The following DGKB variants were observed in gnomAD, a reference collection of about 807,000 sequenced individuals.
DGKB encodes the protein 90 kDa diacylglycerol kinase.
DGKB carries 67 observed loss-of-function variants against 114.3 expected under a neutral mutation model. The observed-to-expected ratio is 0.59, with a 90% CI of 0.48 to 0.72. DGKB has a LOEUF of 0.72. DGKB is among the 30% of genes least tolerant of loss of function. The pLI is 0.00. For synonymous variants in DGKB, 398 were observed against 323.1 expected (o/e 1.23, Z -2.49); for missense variants, 907 against 975.2 (o/e 0.93, Z 0.93).
intron 13 of DGKB, among the ~76,000 whole-genome samples, chr7:14,661,629 T>C (rs917726071): frequency 2.0e-5 from 3 of 152,070 alleles, no homozygotes; most frequent in African/African-American, 7.2e-5. Flanking sequence ...AGTTCAGCCA[T>C]TGTGGAAGTC....
At chr7:14,318,817 G>A (rs1807147706) in intron 23 of DGKB, among the ~76,000 whole-genome samples, 1 of 152,126 alleles carries the variant, frequency 6.6e-6, no homozygotes, top group Non-Finnish European at 1.5e-5. Flanking sequence ...AAATCATGCT[G>A]CTAATAAAGC....
At chr7:14,816,218 C>T (rs1844128820) in intron 2 of DGKB, among the ~76,000 whole-genome samples, 1 of 152,074 alleles carries the variant, frequency 6.6e-6, no homozygotes, top group African/African-American at 2.4e-5. Context: ...CCTGTAGTCC[C>T]AGCTACTCTG....
At chr7:14,556,063 C>T (rs1178192956) in intron 20 of DGKB, among the ~76,000 whole-genome samples, 1 of 152,106 alleles carries the variant, frequency 6.6e-6, no homozygotes, top group Non-Finnish European at 1.5e-5. Context: ...TTATTTCTTG[C>T]AGGAGATTCA....
At chr7:14,355,470 G>A (rs1814269103) in intron 21 of DGKB, among the ~76,000 whole-genome samples, 1 of 152,130 alleles carries the variant, frequency 6.6e-6, no homozygotes, top group Admixed American at 6.5e-5. Flanking sequence ...CTAGTTTATT[G>A]AGAGTTTTTA....
chr7:14,903,754 C>T (rs913245488), upstream of DGKB, among the ~76,000 whole-genome samples: 7 of 152,064 alleles, frequency 4.6e-5, no homozygotes, highest in African/African-American at 1.2e-4. Context: ...TTTTGAGGCA[C>T]GTGTGTAAAA....
intron 21 of DGKB, among the ~76,000 whole-genome samples, chr7:14,477,004 C>G (rs772319680): frequency 2.6e-5 from 4 of 152,028 alleles, no homozygotes; most frequent in Non-Finnish European, 5.9e-5. Context: ...CCCGCCTTGG[C>G]CTCCCAAAGT....
chr7:14,655,657 A>G (rs2462564), intron 13 of DGKB, among the ~76,000 whole-genome samples: 118,071 of 151,538 alleles, frequency 0.78, 46,307 homozygotes, highest in African/African-American at 0.86. Flanking sequence ...ATAGATGAGT[A>G]GATAAAATAA....
chr7:14,395,011 A>G (rs905842939), intron 21 of DGKB, among the ~76,000 whole-genome samples: 3 of 152,156 alleles, frequency 2.0e-5, no homozygotes, highest in African/African-American at 7.2e-5. Flanking sequence ...TGCAACAGGA[A>G]CTAACAACAA....
intron 23 of DGKB, among the ~76,000 whole-genome samples, chr7:14,202,561 T>A (rs1301941391): frequency 1.3e-5 from 2 of 152,028 alleles, no homozygotes. Flanking sequence ...AAGATTGAAA[T>A]CAATTTGCTA....
chr7:14,636,298 C>T (rs1466684504), intron 13 of DGKB, among the ~76,000 whole-genome samples: 2 of 151,676 alleles, frequency 1.3e-5, no homozygotes, highest in Non-Finnish European at 3.0e-5. Flanking sequence ...TATAATTACC[C>T]ACAGGATATC....
At chr7:14,221,630 C>G (rs912991563) in intron 23 of DGKB, among the ~76,000 whole-genome samples, 4 of 151,212 alleles carry the variant, frequency 2.6e-5, no homozygotes, top group Non-Finnish European at 5.9e-5. Context: ...CTGTTATATT[C>G]TTTTCTTGTT....
At chr7:14,908,452 T>A (rs1258443545) in intron 1 of DGKB, among the ~76,000 whole-genome samples, 1 of 152,170 alleles carries the variant, frequency 6.6e-6, no homozygotes, top group Non-Finnish European at 1.5e-5. Flanking sequence ...ATTTTAAATG[T>A]CAGTTTTGAA....
At chr7:14,846,857 C>T (rs571424223) in intron 1 of DGKB, among the ~76,000 whole-genome samples, 16 of 152,254 alleles carry the variant, frequency 1.1e-4, no homozygotes, top group African/African-American at 3.4e-4. Flanking sequence ...CTCGTGAAGA[C>T]GCCATTCGGC....
At chr7:14,409,159 T>C (rs141619682) in intron 21 of DGKB, among the ~76,000 whole-genome samples, 3 of 152,246 alleles carry the variant, frequency 2.0e-5, no homozygotes, top group African/African-American at 7.2e-5. Context: ...CTATCTCTTA[T>C]TGCCATTGTG....
intron 20 of DGKB, among the ~76,000 whole-genome samples, chr7:14,491,164 T>A (rs1041562666): frequency 6.6e-6 from 1 of 152,036 alleles, no homozygotes; most frequent in Non-Finnish European, 1.5e-5. Flanking sequence ...GAATTTTAGT[T>A]CCCATAATTC....
rs571187961 is a variant in DGKB at position 14,452,709 on chromosome 7, T to A, written c.1835+25452A>T. On this transcript the variant is annotated intron_variant, in intron 21 of 25. Coordinates refer to ENST00000402815, the MANE Select transcript of DGKB (RefSeq NM_001350709.2). ...AGGTAGAATGCAAAAAGGAAACAAC[T>A]AATATAAGCTAATTTACAATCATGT... 2.6e-5 allele frequency among the ~76,000 whole-genome samples: 4 copies of A among 152,200 alleles called. No homozygotes were observed. In the Middle Eastern group the frequency reaches 0.01, roughly 388 times the overall value.
chr7:14,435,517 T>C (rs1478759339), intron 21 of DGKB, among the ~76,000 whole-genome samples: 1 of 152,098 alleles, frequency 6.6e-6, no homozygotes, highest in African/African-American at 2.4e-5. Flanking sequence ...TAGTAAATGA[T>C]CATAAAGTAC....
At position 14,718,674 on chromosome 7, in the gene DGKB, T is replaced by G. The variant is rs1452597742; in HGVS notation, c.334A>C (p.Asn112His). 4 of 1,608,216 alleles carry G rather than the reference T, an allele frequency of 2.5e-6. No homozygotes were observed. The African/African-American group carries it at 4.0e-5, about 16-fold the overall frequency. Reference protein sequence around the residue: ...PALLSGGLRMNKGAITPPRTT... With the variant: ...PALLSGGLRMHKGAITPPRTT... ...CGGGGAGGGGTGATGGCACCTTTATTCATTCTCAGACCTGGAAAAAAAATT... is the reference window on the plus strand; with the variant it reads ...CGGGGAGGGGTGATGGCACCTTTATGCATTCTCAGACCTGGAAAAAAAATT... The change falls in exon 6 of 26, where the codon AAT (asparagine) becomes CAT (histidine). Residue 112 changes from asparagine (N) to histidine (H), a missense_variant. Physicochemically the swap from Asn to His is moderately conservative, Grantham distance 68 (BLOSUM62 1). This residue lies in a region of DGKB where 814 missense variants were observed against 856.6 expected (regional missense o/e 0.95). Transcript: ENST00000402815.
chr7:14,180,626 A>T (rs1442154659), intron 23 of DGKB, among the ~76,000 whole-genome samples: 1 of 152,192 alleles, frequency 6.6e-6, no homozygotes, highest in Non-Finnish European at 1.5e-5. Flanking sequence ...AACAAAAACA[A>T]AATGAAACTC....
Sources: gnomAD v4.1 joint callset for allele counts (sites outside exome capture counted in the v4.1 genomes callset) on GRCh38, gnomAD v4.1.1 for gene constraint, gnomAD v4.1.1 regional missense constraint, MANE v1.5 for transcripts, NCBI Gene and HGNC (gene_info 2026-07-23, HGNC 2026-07-21) for gene names.